ZNF521: variants seen among roughly 807,000 people sequenced by gnomAD.
The protein encoded by ZNF521 is LYST-interacting protein 3.
In ZNF521, 14 loss-of-function variants were observed where a neutral mutation model predicts 105.5. The ratio of observed to expected loss-of-function variants is 0.13; its 90% CI spans 0.09 to 0.21. The LOEUF is 0.21. ZNF521 is among the 10% of genes least tolerant of loss of function. ZNF521 has a pLI of 1.00. For synonymous variants in ZNF521, 635 were observed against 606.0 expected (o/e 1.05, Z -0.70); for missense variants, 1,233 against 1,629.7 (o/e 0.76, Z 4.19).
chr18:25,166,290 A>G (rs2035340238), intron 5 of ZNF521, among the ~76,000 whole-genome samples: 1 of 152,184 alleles, frequency 6.6e-6, no homozygotes, highest in Non-Finnish European at 1.5e-5. Context: ...CTGTAGCTCA[A>G]GTGGGAAGCA....
Position 25,352,017 on chromosome 18 carries a change from G to C in ZNF521, c.-14C>G. ...CCTCATCACAAACCTGCAAGGTCTTGGACTGCGCTGTCGCTCCGGTAGTCC... is the reference window on the plus strand; with the variant it reads ...CCTCATCACAAACCTGCAAGGTCTTCGACTGCGCTGTCGCTCCGGTAGTCC... On this transcript the variant is annotated 5_prime_UTR_variant, in exon 1 of 8. Transcript: ENST00000361524. 2.1e-6 allele frequency: 1 copy of C among 469,824 alleles called. No homozygotes were observed. Among genetic ancestry groups the C allele is most frequent in the South Asian group, 1.5e-5 (1 of 65,436 alleles). 29.1% of individuals were successfully genotyped at this position (469,824 alleles called of 1,614,324 possible). A position where few individuals can be genotyped will look rare whatever the true frequency, so the allele number is the denominator to read the frequency against.
At chr18:25,086,074 A>T (rs916838662) in intron 7 of ZNF521, among the ~76,000 whole-genome samples, 5 of 152,136 alleles carry the variant, frequency 3.3e-5, no homozygotes, top group African/African-American at 9.6e-5. Flanking sequence ...GGCATAAAAA[A>T]GTAGATGAGT....
In ZNF521 at chr18:25,345,316, C is replaced by CT. The variant is rs564973317; in HGVS notation, c.40+5590dup. 2.0e-5 allele frequency: 3 copies of CT among 152,240 alleles called. No individual in the cohort carries two copies. In the East Asian group the frequency reaches 5.8e-4, roughly 29 times the overall value. 9.4% of individuals were successfully genotyped at this position (152,240 alleles called of 1,614,324 possible). A position where few individuals can be genotyped will look rare whatever the true frequency, so the allele number is the denominator to read the frequency against. Reference sequence around the variant, plus strand: ...ACGTCACTGCTGTCAGTAAGGATAACTACAGTGGTTTTTAAAGGATATGGA... The same window carrying CT: ...ACGTCACTGCTGTCAGTAAGGATAACTTACAGTGGTTTTTAAAGGATATGGA... On this transcript the variant is annotated intron_variant, in intron 2 of 7. Transcript: ENST00000361524.
At chr18:25,078,981 C>G (rs967099009) in intron 7 of ZNF521, among the ~76,000 whole-genome samples, 8 of 152,206 alleles carry the variant, frequency 5.3e-5, no homozygotes, top group African/African-American at 1.9e-4. Flanking sequence ...CAAGTTTGAC[C>G]ATCTTGGCTT....
At chr18:25,183,887 T>C (rs2035675210) in intron 5 of ZNF521, among the ~76,000 whole-genome samples, 1 of 152,002 alleles carries the variant, frequency 6.6e-6, no homozygotes. Flanking sequence ...TGCTTTACTA[T>C]GGCAAGGGAA....
intron 5 of ZNF521, among the ~76,000 whole-genome samples, chr18:25,112,055 CTCCAG>C (rs1012643417): frequency 7.9e-5 from 12 of 152,202 alleles, no homozygotes; most frequent in Non-Finnish European, 1.0e-4. Context: ...CTGCAGGAGG[CTCCAG>C]TCCTCTGAAA....
In ZNF521 at chr18:25,308,823, C is replaced by T. The variant is rs183053804; in HGVS notation, c.220+13185G>A. ...TGGGAAAACACACTACTGGGAGGTGCTATTCATTTCATTACTTGTGGATGG... is the reference window on the plus strand; with the variant it reads ...TGGGAAAACACACTACTGGGAGGTGTTATTCATTTCATTACTTGTGGATGG... On this transcript the variant is annotated intron_variant, in intron 3 of 7. Coordinates refer to ENST00000361524, the MANE Select transcript of ZNF521 (RefSeq NM_015461.3). 7.2e-5 allele frequency among the ~76,000 whole-genome samples: 11 copies of T among 152,210 alleles called. No individual in the cohort carries two copies. The East Asian group carries it at 1.7e-3, about 24-fold the overall frequency.
At chr18:25,123,732 C>A (rs939373425) in intron 5 of ZNF521, among the ~76,000 whole-genome samples, 4 of 152,150 alleles carry the variant, frequency 2.6e-5, no homozygotes, top group African/African-American at 9.7e-5. Flanking sequence ...CCTTGACCTA[C>A]CTTGACCTAA....
Position 25,137,009 on chromosome 18 carries a change from T to C in ZNF521, c.3659-44928A>G, listed in dbSNP as rs533437336. On this transcript the variant is annotated intron_variant, in intron 5 of 7. Coordinates refer to ENST00000361524, the MANE Select transcript of ZNF521 (RefSeq NM_015461.3). ...CTCTGACCTCCCAAAAGGATCCTCC[T>C]CTGTCTCCTTGTAACCCCCAGGATG... Among the ~76,000 whole-genome samples, 4 of 152,264 alleles carry C rather than the reference T, an allele frequency of 2.6e-5. No individual in the cohort carries two copies. The South Asian group carries it at 8.3e-4, about 32-fold the overall frequency.
Position 25,224,327 on chromosome 18 carries a change from T to C in ZNF521, c.3573+18A>G. On this transcript the variant is annotated intron_variant, in intron 4 of 7. Transcript: ENST00000361524. ...TCTTGAGGAGGTTAAATAGCAAACA[T>C]TAAAAAAGGCGAGTTACCTCATCCG... The C allele has an allele frequency of 6.3e-7, 1 of 1,593,078 alleles. No individual in the cohort carries two copies. The highest frequency in any genetic ancestry group is 8.6e-7 in the Non-Finnish European group (1 of 1,166,102).
chr18:25,301,673 A>G (rs775388491), intron 3 of ZNF521, among the ~76,000 whole-genome samples: 1 of 152,218 alleles, frequency 6.6e-6, no homozygotes, highest in Admixed American at 6.5e-5. Context: ...CTTCCTTCTT[A>G]GAAATTACCA....
At chr18:25,161,553 A>C (rs2035251951) in intron 5 of ZNF521, among the ~76,000 whole-genome samples, 2 of 152,338 alleles carry the variant, frequency 1.3e-5, no homozygotes, top group South Asian at 4.1e-4. Context: ...GTCACAGTCT[A>C]AAATAATTAT....
At chr18:25,089,224 A>G (rs1470638265) in intron 7 of ZNF521, among the ~76,000 whole-genome samples, 1 of 152,164 alleles carries the variant, frequency 6.6e-6, no homozygotes, top group African/African-American at 2.4e-5. Flanking sequence ...AGTCTATCAC[A>G]CTGGGTCAGA....
chr18:25,303,289 T>C (rs1202802110), intron 3 of ZNF521, among the ~76,000 whole-genome samples: 4 of 112,400 alleles, frequency 3.6e-5, no homozygotes, highest in African/African-American at 1.7e-4. Flanking sequence ...TGTGTGTGTG[T>C]GTGTGTGTGT....
At chr18:25,209,476 C>A (rs2036140332) in intron 4 of ZNF521, among the ~76,000 whole-genome samples, 1 of 152,090 alleles carries the variant, frequency 6.6e-6, no homozygotes, top group Non-Finnish European at 1.5e-5. Context: ...AAAAGAGAGA[C>A]AATTTTTACT....
chr18:25,332,009 G>A (rs999747452), intron 2 of ZNF521, among the ~76,000 whole-genome samples: 2 of 151,142 alleles, frequency 1.3e-5, no homozygotes, highest in Admixed American at 6.6e-5. Context: ...AACATTTTGG[G>A]CATTTAATAT....
intron 2 of ZNF521, among the ~76,000 whole-genome samples, chr18:25,344,494 AAAACAGG>A (rs1325370256): frequency 1.3e-5 from 2 of 152,238 alleles, no homozygotes; most frequent in Non-Finnish European, 2.9e-5. Flanking sequence ...CCCCAAACAA[AAAACAGG>A]AACATTTCAG....
chr18:25,319,565 C>G (rs1226621995), intron 3 of ZNF521, among the ~76,000 whole-genome samples: 2 of 149,516 alleles, frequency 1.3e-5, no homozygotes, highest in African/African-American at 5.0e-5. Context: ...CACTGCACTC[C>G]AGCCTGGGCA....
intron 5 of ZNF521, among the ~76,000 whole-genome samples, chr18:25,159,513 C>CAA (rs34154457): frequency 1.2e-4 from 18 of 151,058 alleles, no homozygotes; most frequent in South Asian, 2.1e-4. Context: ...CTAACACTAA[C>CAA]AAAAAAAAAC....
Sources: gnomAD v4.1 joint callset for allele counts (sites outside exome capture counted in the v4.1 genomes callset) on GRCh38, gnomAD v4.1.1 for gene constraint, MANE v1.5 for transcripts, NCBI Gene and HGNC (gene_info 2026-07-23, HGNC 2026-07-21) for gene names.